The following DAB1 variants were observed in gnomAD, a reference collection of about 807,000 sequenced individuals.
DAB1 encodes the protein disabled homolog 1.
A neutral mutation model predicts 64.6 loss-of-function variants in DAB1; 15 were observed. The observed-to-expected ratio is 0.23, with a 90% CI of 0.16 to 0.36. DAB1 has a LOEUF of 0.36. DAB1 is among the 10% of genes least tolerant of loss of function. The pLI is 1.00. For synonymous variants in DAB1, 235 were observed against 251.9 expected, an observed-to-expected ratio of 0.93 and a Z score of 0.64; for missense variants, 596 against 706.7, an observed-to-expected ratio of 0.84 and a Z score of 1.78.
chr1:58,534,325 C>T, intron 1 of DAB1: 1 of 846,292 alleles, frequency 1.2e-6, no homozygotes, highest in South Asian at 1.4e-5. Context: ...TTAAATTCTT[C>T]CATCCACTGA....
chr1:57,921,961 C>T (rs1644814166), intron 5 of DAB1, among the ~76,000 whole-genome samples: 1 of 152,210 alleles, frequency 6.6e-6, no homozygotes, highest in South Asian at 2.1e-4. Context: ...CTAACCCTCA[C>T]CTTCGTATTC....
In DAB1 at chr1:57,980,901, G is replaced by GTA. The variant is rs530368690; in HGVS notation, n.388-96741_388-96740dup. On this transcript the variant is annotated intron_variant and non_coding_transcript_variant, in intron 5 of 20. Coordinates refer to the DAB1 transcript ENST00000485760. ...TCTCTCTCTCTCTACATGTATATAT[G>GTA]TATATATATATACACACACACACAC... 6.3e-3 allele frequency among the ~76,000 whole-genome samples: 928 copies of GTA among 146,726 alleles called. 12 individuals are homozygous for GTA. Among genetic ancestry groups the GTA allele is most frequent in the African/African-American group, 0.02 (798 of 39,472 alleles).
intron 4 of DAB1, among the ~76,000 whole-genome samples, chr1:57,082,663 C>T (rs2100632265): frequency 6.6e-6 from 1 of 152,214 alleles, no homozygotes; most frequent in East Asian, 1.9e-4. Flanking sequence ...GCTATATTTA[C>T]CCTGATGTTC....
intron 4 of DAB1, among the ~76,000 whole-genome samples, chr1:57,118,683 T>C (rs750314562): frequency 3.3e-5 from 5 of 152,142 alleles, no homozygotes; most frequent in Admixed American, 1.3e-4. Context: ...CTATGACTGG[T>C]TTTTTTATTT....
chr1:57,417,053 T>G (rs1212997771), intron 1 of DAB1, among the ~76,000 whole-genome samples: 3 of 152,092 alleles, frequency 2.0e-5, no homozygotes, highest in African/African-American at 7.2e-5. Flanking sequence ...ATTGTTTAGG[T>G]TTGTTCTGGA....
chr1:57,628,274 G>A (rs1645947118), intron 7 of DAB1, among the ~76,000 whole-genome samples: 1 of 152,226 alleles, frequency 6.6e-6, no homozygotes, highest in Non-Finnish European at 1.5e-5. Context: ...TTTATAAAGT[G>A]TAATATGCTG....
intron 1 of DAB1, among the ~76,000 whole-genome samples, chr1:57,307,525 T>A (rs1399722946): frequency 6.6e-6 from 1 of 151,912 alleles, no homozygotes; most frequent in African/African-American, 2.4e-5. Flanking sequence ...AGACCACACC[T>A]CCTTCTCCAT....
chr1:57,039,655 C>T (rs1486473287), intron 9 of DAB1, among the ~76,000 whole-genome samples: 1 of 152,190 alleles, frequency 6.6e-6, no homozygotes, highest in African/African-American at 2.4e-5. Context: ...TCCTATCCAT[C>T]CCTTATACCT....
intron 4 of DAB1, among the ~76,000 whole-genome samples, chr1:58,152,216 C>G (rs1269517091): frequency 6.6e-6 from 1 of 152,132 alleles, no homozygotes; most frequent in East Asian, 1.9e-4. Flanking sequence ...CAGGGACATA[C>G]TATACCCCCC....
chr1:58,300,586 AAGAAAGAAAGAAAGAAAGAAAGAAAG>A (rs1662109129), intron 4 of DAB1, among the ~76,000 whole-genome samples: 2 of 25,778 alleles, frequency 7.8e-5, no homozygotes, highest in African/African-American at 1.0e-4. Flanking sequence ...GAAAGAAAGA[AAGAAAGAAAGAAAGAAAGAAAGAAAG>A]AGAGAGAGAG....
intron 5 of DAB1, among the ~76,000 whole-genome samples, chr1:58,090,260 T>C (rs1208982327): frequency 1.3e-5 from 2 of 151,918 alleles, no homozygotes; most frequent in Non-Finnish European, 2.9e-5. Context: ...GGAAAAGAAT[T>C]AAGACAGCAC....
chr1:58,228,754 T>A, intron 4 of DAB1: 1 of 940,006 alleles, frequency 1.1e-6, no homozygotes, highest in South Asian at 1.3e-5. Context: ...CCCACGTTGA[T>A]GGCATAGGTG....
chr1:57,206,971 T>TG (rs1210966851), intron 2 of DAB1, among the ~76,000 whole-genome samples: 1 of 133,382 alleles, frequency 7.5e-6, no homozygotes, highest in Non-Finnish European at 1.6e-5. Context: ...TTCCTTCCTT[T>TG]TTTTTTTTTT....
chr1:58,018,538 G>T (rs1377980321), intron 5 of DAB1, among the ~76,000 whole-genome samples: 1 of 152,162 alleles, frequency 6.6e-6, no homozygotes, highest in Non-Finnish European at 1.5e-5. Flanking sequence ...ACTGACCTCT[G>T]GAGCCAGGGA....
At position 58,489,753 on chromosome 1, in the gene DAB1, G is replaced by A. The variant is rs558068204; in HGVS notation, n.257+16307C>T. Among the ~76,000 whole-genome samples, 35 of 152,308 alleles carry A rather than the reference G, an allele frequency of 2.3e-4. No individual in the cohort carries two copies. In the East Asian group the frequency reaches 6.8e-3, roughly 29 times the overall value. On this transcript the variant is annotated intron_variant and non_coding_transcript_variant, in intron 3 of 20. Transcript: ENST00000485760. ...CTCCTCTGAGACAAAACTTCCAGAG[G>A]AATGATGAGGCAGCAACATTGGCTG...
At chr1:57,264,639 G>C (rs547421239) in intron 2 of DAB1, among the ~76,000 whole-genome samples, 2 of 152,268 alleles carry the variant, frequency 1.3e-5, no homozygotes, top group South Asian at 4.2e-4. Context: ...TGAACCCCTA[G>C]AGAATGAGGA....
chr1:58,470,813 G>A (rs1454592689), intron 3 of DAB1, among the ~76,000 whole-genome samples: 4 of 152,054 alleles, frequency 2.6e-5, no homozygotes, highest in Admixed American at 2.0e-4. Flanking sequence ...TCCTATGACT[G>A]AGAGCTCCCT....
intron 6 of DAB1, among the ~76,000 whole-genome samples, chr1:57,802,908 C>A (rs1236594507): frequency 6.6e-6 from 1 of 152,164 alleles, no homozygotes; most frequent in Admixed American, 6.5e-5. Flanking sequence ...GGTTGTCCTG[C>A]ATCTGGCCTA....
intron 3 of DAB1, chr1:58,480,945 T>G (rs750721469): frequency 2.3e-6 from 2 of 852,554 alleles, no homozygotes; most frequent in Non-Finnish European, 4.1e-6. Context: ...TCATATATCT[T>G]GTGTCTCATA....
Sources: gnomAD v4.1 joint callset for allele counts (sites outside exome capture counted in the v4.1 genomes callset) on GRCh38, gnomAD v4.1.1 for gene constraint, MANE v1.5 for transcripts, NCBI Gene and HGNC (gene_info 2026-07-23, HGNC 2026-07-21) for gene names.